Variants in ZC3H11A observed in about 807,000 individuals in gnomAD.
ZC3H11A encodes zinc finger CCCH-type containing 11A.
In ZC3H11A, 22 loss-of-function variants were observed where a neutral mutation model predicts 90.8. The observed-to-expected ratio is 0.24, with a 90% CI of 0.17 to 0.35. The LOEUF is 0.35. Among genes scored for constraint, ZC3H11A ranks in the 10% least tolerant of loss-of-function variants. The pLI, the probability that ZC3H11A is intolerant of heterozygous loss-of-function variation, is 1.00. For synonymous variants in ZC3H11A, 294 were observed against 339.8 expected (o/e 0.87, Z 1.48); for missense variants, 701 against 964.9 (o/e 0.73, Z 3.62).
In ZC3H11A at chr1:203,817,120, C is replaced by G. The variant is rs1480159958; in HGVS notation, c.50C>G (p.Thr17Ser). 6.2e-7 allele frequency: 1 copy of G among 1,605,202 alleles called. No individual in the cohort carries two copies. Among genetic ancestry groups the G allele is most frequent in the Non-Finnish European group, 8.5e-7 (1 of 1,175,926 alleles). Residue 17 changes from threonine to serine, a missense_variant, in exon 3 of 18, where the codon ACC becomes AGC. Transcript: ENST00000367210. Reference sequence around the variant, plus strand: ...TATTTTTTTTTCTATTCCACATGTACCAAAGTAAGAATTGACATCTTTAAA... The same window carrying G: ...TATTTTTTTTTCTATTCCACATGTAGCAAAGTAAGAATTGACATCTTTAAA... ...DCYFFFYSTC[T>S]KGDSCPFRHC...
intron 2 of ZC3H11A, among the ~76,000 whole-genome samples, chr1:203,807,774 C>G (rs1672876451): frequency 6.6e-6 from 1 of 152,050 alleles, no homozygotes; most frequent in South Asian, 2.1e-4. Context: ...GAGGGTCTTG[C>G]TCTGTTGCGC....
intron 2 of ZC3H11A, among the ~76,000 whole-genome samples, chr1:203,814,288 C>G (rs923780754): frequency 7.2e-5 from 11 of 152,196 alleles, no homozygotes; most frequent in African/African-American, 2.7e-4. Flanking sequence ...CTTTGGGAGG[C>G]TGAGGTGGGA....
intron 12 of ZC3H11A, among the ~76,000 whole-genome samples, chr1:203,841,001 A>G (rs921294754): frequency 1.3e-5 from 2 of 152,138 alleles, no homozygotes; most frequent in African/African-American, 4.8e-5. Context: ...TATGATAGTT[A>G]TGTGCTAAAA....
chr1:203,832,414 G>A (rs1392475650), intron 9 of ZC3H11A, among the ~76,000 whole-genome samples: 2 of 151,566 alleles, frequency 1.3e-5, no homozygotes, highest in Non-Finnish European at 2.9e-5. Context: ...AGGCTAAAGT[G>A]CAATGGTGCG....
At chr1:203,850,074 A>C (rs766702893) in intron 15 of ZC3H11A, 48 bp downstream of exon 15, 1 of 1,565,868 alleles carries the variant, frequency 6.4e-7, no homozygotes, top group African/African-American at 1.4e-5. Context: ...AAAATTACCA[A>C]ATTCAACCCA....
At position 203,840,158 on chromosome 1, in the gene ZC3H11A, TGAA is replaced by T. The variant is rs1353011880; in HGVS notation, c.974-146_974-144del. 6 of 690,284 alleles carry T rather than the reference TGAA, an allele frequency of 8.7e-6. No homozygotes were observed. In the African/African-American group the frequency reaches 1.1e-4, roughly 13 times the overall value. 42.8% of individuals were successfully genotyped at this position (690,284 alleles called of 1,614,324 possible). On this transcript the variant is annotated intron_variant, in intron 11 of 17. Transcript: ENST00000367210. ...TTCACCATGTTGGCCAGGCTGGCCT[TGAA>T]GTCCTGACCTCAAGTGATCAGCCTG...
intron 3 of ZC3H11A, among the ~76,000 whole-genome samples, chr1:203,818,138 A>C (rs1401239365): frequency 1.3e-5 from 2 of 152,080 alleles, no homozygotes; most frequent in African/African-American, 4.8e-5. Flanking sequence ...TTTATTTCAG[A>C]TATTACCGTT....
chr1:203,848,424 T>C lies in ZC3H11A; in HGVS notation c.1623+17T>C. Reference sequence around the variant, plus strand: ...GCTAAAGAGGTAAATTTAAGATTATTGTATGGTTTTGTTCATGGCAAACAA... The same window carrying C: ...GCTAAAGAGGTAAATTTAAGATTATCGTATGGTTTTGTTCATGGCAAACAA... On this transcript the variant is annotated intron_variant, in intron 14 of 17. Coordinates refer to ENST00000367210, the MANE Select transcript of ZC3H11A (RefSeq NM_001376342.1). 6.3e-7 allele frequency: 1 copy of C among 1,589,486 alleles called. No individual in the cohort carries two copies. The highest frequency in any genetic ancestry group is 2.2e-5 in the East Asian group (1 of 44,478).
intron 1 of ZC3H11A, chr1:203,799,780 C>T: frequency 1.9e-6 from 2 of 1,027,220 alleles, no homozygotes; most frequent in Middle Eastern, 2.0e-4. Context: ...GAAACAGATA[C>T]CCTACTAAGT....
chr1:203,841,156 TA>T (rs1444927805), intron 12 of ZC3H11A, among the ~76,000 whole-genome samples: 25 of 144,134 alleles, frequency 1.7e-4, no homozygotes, highest in Admixed American at 4.1e-4. Context: ...TTTTTTTTTT[TA>T]TTTTTTTTTT....
chr1:203,801,311 A>G (rs1229574435), intron 1 of ZC3H11A: 1 of 152,180 alleles, frequency 6.6e-6, no homozygotes, highest in Non-Finnish European at 1.5e-5. Context: ...AACATACTTA[A>G]TGACCCATTA....
chr1:203,824,582 C>T (rs1339433293), intron 4 of ZC3H11A, among the ~76,000 whole-genome samples: 2 of 152,134 alleles, frequency 1.3e-5, no homozygotes, highest in Non-Finnish European at 2.9e-5. Flanking sequence ...CACATTGGTT[C>T]ACAAATTGAG....
chr1:203,834,026 C>G, intron 10 of ZC3H11A, 173 bp downstream of exon 10: 2 of 1,273,814 alleles, frequency 1.6e-6, no homozygotes, highest in Non-Finnish European at 2.0e-6. Context: ...ATTGAAGATA[C>G]AGAGATTTAA....
intron 12 of ZC3H11A, among the ~76,000 whole-genome samples, chr1:203,845,577 T>A (rs549929400): frequency 6.6e-6 from 1 of 152,242 alleles, no homozygotes; most frequent in African/African-American, 2.4e-5. Flanking sequence ...CAGTTGAAAC[T>A]AACCAGGCCT....
chr1:203,821,679 C>T (rs1003808416), intron 4 of ZC3H11A, among the ~76,000 whole-genome samples: 2 of 152,066 alleles, frequency 1.3e-5, no homozygotes, highest in African/African-American at 2.4e-5. Context: ...TCATCACTTT[C>T]AGGTCCTCTC....
chr1:203,848,250 A>T, intron 13 of ZC3H11A, 81 bp from the exon 14 acceptor site: 1 of 1,180,976 alleles, frequency 8.5e-7, no homozygotes, highest in Non-Finnish European at 1.2e-6. Context: ...TACTTTCATT[A>T]AATAAAGTTT....
intron 1 of ZC3H11A, chr1:203,798,836 G>C: frequency 5.9e-6 from 9 of 1,536,142 alleles, no homozygotes; most frequent in Non-Finnish European, 7.8e-6. Flanking sequence ...GGTTCATGCA[G>C]ATTGTGGCCC....
intron 2 of ZC3H11A, among the ~76,000 whole-genome samples, chr1:203,816,636 A>G (rs896609277): frequency 1.3e-5 from 2 of 152,156 alleles, no homozygotes; most frequent in Admixed American, 1.3e-4. Context: ...GTCTCTAAAA[A>G]GAGTTAAAAA....
chr1:203,805,629 G>A (rs531915727), intron 2 of ZC3H11A: 7 of 688,602 alleles, frequency 1.0e-5, no homozygotes, highest in South Asian at 9.5e-5. Flanking sequence ...TATGAAGCAG[G>A]GATCTGTGGC....
Sources: allele counts gnomAD v4.1 joint callset (sites outside exome capture counted in the v4.1 genomes callset), GRCh38; gene constraint gnomAD v4.1.1; transcripts MANE v1.5; gene names NCBI Gene and HGNC (gene_info 2026-07-23, HGNC 2026-07-21).